AACS: variants seen among roughly 807,000 people sequenced by gnomAD.
AACS encodes acetoacetyl-CoA synthetase.
Under a neutral mutation model 83.1 loss-of-function variants are expected in AACS, and 69 were observed. The ratio of observed to expected loss-of-function variants is 0.83; its 90% CI spans 0.68 to 1.01. The LOEUF (loss-of-function observed/expected upper bound fraction) is 1.01. Ranked by LOEUF, AACS falls within the 50% of genes least tolerant of loss-of-function variation. The probability of loss-of-function intolerance (pLI) is 0.00; values close to 1 mark genes in which losing one functional copy is unlikely to be tolerated. For synonymous variants in AACS, 333 were observed against 343.4 expected (o/e 0.97, Z 0.33); for missense variants, 866 against 882.2 (o/e 0.98, Z 0.23).
At chr12:125,078,304 G>C (rs1365751926) in intron 3 of AACS, 1 of 456,100 alleles carries the variant, frequency 2.2e-6, no homozygotes, top group East Asian at 7.0e-5. Context: ...AAAGCCCATG[G>C]GCACTTCTGA....
At chr12:125,078,745 C>T (rs1339636982) in intron 3 of AACS, among the ~76,000 whole-genome samples, 3 of 144,568 alleles carry the variant, frequency 2.1e-5, no homozygotes, top group Non-Finnish European at 4.5e-5. Flanking sequence ...CGCTTGAACC[C>T]GGGAGGTGGA....
At chr12:125,103,172 CTCAGAGAATTTTAGAAG>C in intron 7 of AACS, 91 bp downstream of exon 7, 1 of 1,108,928 alleles carries the variant, frequency 9.0e-7, no homozygotes, top group Non-Finnish European at 1.3e-6. Flanking sequence ...CTTGGGGTCA[CTCAGAGAATTTTAGAAG>C]TGGAGGAGGT....
At chr12:125,139,417 GC>G (rs1286089643) in intron 17 of AACS, 1 of 152,500 alleles carries the variant, frequency 6.6e-6, no homozygotes, top group Non-Finnish European at 1.5e-5. Context: ...CTTAGCTCTG[GC>G]CCCCCCTCTG....
intron 10 of AACS, chr12:125,121,621 G>T (rs2136121256): frequency 6.6e-6 from 1 of 152,324 alleles, no homozygotes; most frequent in East Asian, 1.9e-4. Flanking sequence ...TCTAGTGAGG[G>T]GACTATTCTG....
chr12:125,086,537 T>C (rs1956343354), intron 4 of AACS, 94 bp downstream of exon 4: 1 of 1,117,916 alleles, frequency 8.9e-7, no homozygotes, highest in Non-Finnish European at 1.3e-6. Context: ...TAAGGGGGAG[T>C]CATGTCATAT....
intron 2 of AACS, among the ~76,000 whole-genome samples, chr12:125,075,553 A>C (rs1200182960): frequency 1.3e-5 from 2 of 150,908 alleles, no homozygotes; most frequent in African/African-American, 4.9e-5. Flanking sequence ...TGGCCTGCCA[A>C]AGTGCTGGGA....
intron 8 of AACS, among the ~76,000 whole-genome samples, chr12:125,110,670 T>G (rs949582133): frequency 6.6e-6 from 1 of 152,136 alleles, no homozygotes; most frequent in African/African-American, 2.4e-5. Flanking sequence ...GATCACCACT[T>G]TTTCCCCCAA....
In AACS at chr12:125,065,578, C is replaced by A; in HGVS notation, c.-7C>A. 1 of 1,508,958 alleles carries A rather than the reference C, an allele frequency of 6.6e-7. No individual in the cohort carries two copies. The highest frequency in any genetic ancestry group is 2.8e-5 in the East Asian group (1 of 35,722). The allele number at this position is 1,508,958 out of a possible 1,614,324, so 93.5% of individuals were successfully genotyped here. On this transcript the variant is annotated 5_prime_UTR_variant, in exon 1 of 18. Transcript: ENST00000316519. Reference sequence around the variant, plus strand: ...CCTCGTCGCAGCCCCGGCCGCCCGCCGCCGCCATGTCCAAGGAGGAGCGCC... The same window carrying A: ...CCTCGTCGCAGCCCCGGCCGCCCGCAGCCGCCATGTCCAAGGAGGAGCGCC...
intron 3 of AACS, among the ~76,000 whole-genome samples, chr12:125,077,620 T>A (rs911030441): frequency 6.6e-6 from 1 of 152,058 alleles, no homozygotes; most frequent in Non-Finnish European, 1.5e-5. Flanking sequence ...GTGTTCTGCC[T>A]CCAGAATATT....
At chr12:125,070,522 AG>A (rs1955832001) in intron 1 of AACS, among the ~76,000 whole-genome samples, 2 of 152,310 alleles carry the variant, frequency 1.3e-5, no homozygotes, top group South Asian at 4.1e-4. Flanking sequence ...AATAAAAAAG[AG>A]GCAGATAAAA....
chr12:125,067,152 C>A (rs1955724157), intron 1 of AACS, among the ~76,000 whole-genome samples: 1 of 152,206 alleles, frequency 6.6e-6, no homozygotes, highest in African/African-American at 2.4e-5. Context: ...AGGCCCTCCA[C>A]AGCAGTGGGG....
At chr12:125,066,655 G>A (rs1955707958) in intron 1 of AACS, among the ~76,000 whole-genome samples, 1 of 151,884 alleles carries the variant, frequency 6.6e-6, no homozygotes, top group Admixed American at 6.6e-5. Context: ...CTCCATGTTG[G>A]TCAGGCTGGT....
intron 3 of AACS, among the ~76,000 whole-genome samples, chr12:125,080,470 G>A (rs912648932): frequency 2.9e-4 from 43 of 149,266 alleles, no homozygotes; most frequent in African/African-American, 1.0e-3. Flanking sequence ...TGGGTGGGGT[G>A]TCTCTCTCTC....
At chr12:125,078,154 A>G in intron 3 of AACS, 2 of 456,310 alleles carry the variant, frequency 4.4e-6, no homozygotes, top group South Asian at 3.1e-5. Context: ...CCCAGGCTAC[A>G]GAGCAGGGCC....
chr12:125,114,094 C>T (rs747221986), intron 8 of AACS, among the ~76,000 whole-genome samples: 6 of 150,290 alleles, frequency 4.0e-5, no homozygotes, highest in Admixed American at 6.6e-5. Flanking sequence ...GGCTAGCACC[C>T]GTCCTGGAAG....
At chr12:125,095,089 C>T (rs899754373) in intron 5 of AACS, among the ~76,000 whole-genome samples, 13 of 151,986 alleles carry the variant, frequency 8.6e-5, no homozygotes, top group African/African-American at 2.4e-4. Context: ...GATTCAACAC[C>T]GGCTGTTGGT....
rs116873665 is a variant in AACS at position 125,124,699 on chromosome 12, C to A, written c.1122-6C>A. The A allele has an allele frequency of 1.2e-6, 2 of 1,613,598 alleles. No individual in the cohort carries two copies. Among genetic ancestry groups the A allele is most frequent in the South Asian group, 1.1e-5 (1 of 91,044 alleles). ...TCTGGTGTTTTCTTTCCCGCCTGCA[C>A]CCTAGCATCACTGTCCTGGTAACTG... On this transcript the variant is annotated splice_region_variant and splice_polypyrimidine_tract_variant and intron_variant, in intron 10 of 17. Transcript: ENST00000316519.
intron 8 of AACS, among the ~76,000 whole-genome samples, chr12:125,111,319 G>C (rs896938361): frequency 6.7e-6 from 1 of 148,936 alleles, no homozygotes; most frequent in South Asian, 2.1e-4. Context: ...GGGCGGGGGC[G>C]GGTGTATGTG....
At chr12:125,090,193 T>TATCTTCC (rs1956442729) in intron 4 of AACS, among the ~76,000 whole-genome samples, 2 of 5,302 alleles carry the variant, frequency 3.8e-4, no homozygotes, top group Admixed American at 2.2e-3. Flanking sequence ...TCTCTCCATC[T>TATCTTCC]ACCCATTTAC....
Sources: allele counts gnomAD v4.1 joint callset (sites outside exome capture counted in the v4.1 genomes callset), GRCh38; gene constraint gnomAD v4.1.1; transcripts MANE v1.5; gene names NCBI Gene and HGNC (gene_info 2026-07-23, HGNC 2026-07-21).